The following RBPJ variants were observed in gnomAD, a reference collection of about 807,000 sequenced individuals.
The protein encoded by RBPJ is recombining binding protein suppressor of hairless.
RBPJ carries 9 observed loss-of-function variants against 67.8 expected under a neutral mutation model. That is an observed-to-expected ratio of 0.13 (90% CI 0.08 to 0.23). The LOEUF is 0.23. Ranked by LOEUF, RBPJ falls within the 10% of genes least tolerant of loss-of-function variation. The pLI is 1.00. For missense variants in RBPJ, 305 were observed against 595.6 expected, an observed-to-expected ratio of 0.51 and a Z score of 5.08; for synonymous variants, 198 against 203.3, an observed-to-expected ratio of 0.97 and a Z score of 0.22.
At position 26,298,954 on chromosome 4, in the gene RBPJ, C is replaced by T. The variant is rs73812110; in HGVS notation, c.-166-63492C>T. 5.0e-3 allele frequency among the ~76,000 whole-genome samples: 765 copies of T among 152,024 alleles called. 10 individuals carry two copies. Among genetic ancestry groups the T allele is most frequent in the African/African-American group, 0.018 (738 of 41,384 alleles). On this transcript the variant is annotated intron_variant, in intron 1 of 4. Coordinates refer to the RBPJ transcript ENST00000512351. Reference sequence around the variant, plus strand: ...CCATTGAAGGCACATTTAAAATTTACGCTTCAAAGAAAAAAGGTAGGTCAG... The same window carrying T: ...CCATTGAAGGCACATTTAAAATTTATGCTTCAAAGAAAAAAGGTAGGTCAG...
At chr4:26,217,403 G>C (rs1718756353) in intron 1 of RBPJ, among the ~76,000 whole-genome samples, 1 of 152,082 alleles carries the variant, frequency 6.6e-6, no homozygotes, top group Non-Finnish European at 1.5e-5. Flanking sequence ...GTGTCATGTG[G>C]AGGTTTTAAT....
chr4:26,433,009 G>A lies in RBPJ; in HGVS notation c.*2002G>A, dbSNP rs1736367617. Reference sequence around the variant, plus strand: ...AAGGGGAAGGTCATTTGTAAAGCACGTTAGGTGGTTAAATCAGTTATTGCG... The same window carrying A: ...AAGGGGAAGGTCATTTGTAAAGCACATTAGGTGGTTAAATCAGTTATTGCG... On this transcript the variant is annotated 3_prime_UTR_variant, in exon 11 of 11. Coordinates refer to ENST00000355476, the MANE Select transcript of RBPJ (RefSeq NM_015874.6). 6.6e-6 allele frequency: 1 copy of A among 152,128 alleles called. No individual in the cohort carries two copies. The highest frequency in any genetic ancestry group is 1.5e-5 in the Non-Finnish European group (1 of 68,028). The allele number at this position is 152,128 out of a possible 1,614,324, so 9.4% of individuals were successfully genotyped here. A position where few individuals can be genotyped will look rare whatever the true frequency, so the allele number is the denominator to read the frequency against.
upstream of RBPJ, among the ~76,000 whole-genome samples, chr4:26,161,743 C>T (rs540729055): frequency 9.1e-4 from 139 of 152,292 alleles, 1 homozygote; most frequent in Admixed American, 9.8e-4. Context: ...TCCAGGAGGC[C>T]CCAGTGGTAC....
chr4:26,327,542 G>GTTTTTTTTTTTTTTT (rs11350013), intron 1 of RBPJ, among the ~76,000 whole-genome samples: 29 of 104,882 alleles, frequency 2.8e-4, no homozygotes, highest in Non-Finnish European at 3.5e-4. Flanking sequence ...GACCCTGGAG[G>GTTTTTTTTTTTTTTT]TTTTTTTTTT....
chr4:26,383,192 C>T (rs77586781), intron 1 of RBPJ, among the ~76,000 whole-genome samples: 2,207 of 152,136 alleles, frequency 0.015, 39 homozygotes, highest in Middle Eastern at 0.051. Context: ...GTTGCACAGG[C>T]GTGTTTTGTA....
the RBPJ span, chr4:26,113,698 A>G: frequency 6.9e-5 from 19 of 276,586 alleles, no homozygotes; most frequent in African/African-American, 4.2e-4. Flanking sequence ...GTGTGAAGTC[A>G]AATCTCATTG....
At chr4:26,305,866 GCCT>G (rs1474661224) in intron 1 of RBPJ, among the ~76,000 whole-genome samples, 4 of 133,332 alleles carry the variant, frequency 3.0e-5, no homozygotes, top group Admixed American at 8.8e-5. Flanking sequence ...TGCAACCTCC[GCCT>G]CCTGGGTTCA....
At chr4:26,215,214 GAGAA>G (rs1718651249) in intron 1 of RBPJ, among the ~76,000 whole-genome samples, 2 of 19,390 alleles carry the variant, frequency 1.0e-4, no homozygotes, top group African/African-American at 4.1e-4. Context: ...GAGAAAGAAA[GAGAA>G]AAAGAGAGAA....
chr4:26,415,446 G>GTTTT, intron 3 of RBPJ, 29 bp from the exon 4 acceptor site: 2 of 1,210,606 alleles, frequency 1.7e-6, no homozygotes, highest in Non-Finnish European at 1.1e-6. Flanking sequence ...TTTGCTTCTT[G>GTTTT]TTTTTTTTTT....
the RBPJ span, among the ~76,000 whole-genome samples, chr4:26,131,216 G>A: frequency 5.3e-5 from 8 of 152,140 alleles, no homozygotes; most frequent in Non-Finnish European, 8.8e-5. Flanking sequence ...CAGCACAGGC[G>A]GCGGAAGCTG....
At chr4:26,251,061 T>C (rs546768166) in intron 1 of RBPJ, among the ~76,000 whole-genome samples, 1 of 152,354 alleles carries the variant, frequency 6.6e-6, no homozygotes. Context: ...TGTGCTTTCA[T>C]TTTTGAGATA....
intron 1 of RBPJ, among the ~76,000 whole-genome samples, chr4:26,176,821 C>T (rs894052756): frequency 1.3e-5 from 2 of 152,268 alleles, no homozygotes; most frequent in Non-Finnish European, 2.9e-5. Flanking sequence ...GGACCACCTT[C>T]AGAGCTCAGC....
chr4:26,146,229 G>C, the RBPJ span, among the ~76,000 whole-genome samples: 1 of 152,212 alleles, frequency 6.6e-6, no homozygotes, highest in Non-Finnish European at 1.5e-5. Flanking sequence ...TTACAGGCAT[G>C]AGCCAGTGCA....
At chr4:26,313,969 A>AAT (rs1208562117) in intron 1 of RBPJ, among the ~76,000 whole-genome samples, 2 of 152,122 alleles carry the variant, frequency 1.3e-5, no homozygotes, top group Non-Finnish European at 2.9e-5. Flanking sequence ...ATTTATAGGA[A>AAT]ATATATATAC....
chr4:26,198,065 C>CTCAA (rs931164800), intron 1 of RBPJ, among the ~76,000 whole-genome samples: 53 of 151,960 alleles, frequency 3.5e-4, no homozygotes, highest in Admixed American at 3.3e-3. Flanking sequence ...CGAGACCAGC[C>CTCAA]TCAACATGGA....
At chr4:26,268,271 A>G (rs1174464044) in intron 1 of RBPJ, among the ~76,000 whole-genome samples, 1 of 152,202 alleles carries the variant, frequency 6.6e-6, no homozygotes, top group African/African-American at 2.4e-5. Flanking sequence ...AACAAAAAAC[A>G]AACAACAAAA....
the RBPJ span, among the ~76,000 whole-genome samples, chr4:26,139,050 C>CA: frequency 1.3e-5 from 2 of 152,224 alleles, no homozygotes; most frequent in African/African-American, 4.8e-5. Context: ...AGGCAGCTGC[C>CA]AGCACCTGAG....
intron 1 of RBPJ, among the ~76,000 whole-genome samples, chr4:26,200,638 T>TC (rs571140124): frequency 1.0e-4 from 15 of 148,926 alleles, no homozygotes; most frequent in African/African-American, 3.5e-4. Context: ...ATCACTGCAC[T>TC]CCAAAGCGAA....
At chr4:26,261,748 A>T (rs999873616) in intron 1 of RBPJ, among the ~76,000 whole-genome samples, 4 of 152,208 alleles carry the variant, frequency 2.6e-5, no homozygotes, top group Non-Finnish European at 5.9e-5. Context: ...TATCAGGACT[A>T]GTTATGTGAT....
Sources: allele counts gnomAD v4.1 joint callset (sites outside exome capture counted in the v4.1 genomes callset), GRCh38; gene constraint gnomAD v4.1.1; transcripts MANE v1.5; gene names NCBI Gene and HGNC (gene_info 2026-07-23, HGNC 2026-07-21).